Variants in NF2 observed in about 807,000 individuals in gnomAD.
NF2 encodes merlin.
Under a neutral mutation model 83.7 loss-of-function variants are expected in NF2, and 8 were observed. The ratio of observed to expected loss-of-function variants is 0.10; its 90% confidence interval spans 0.06 to 0.17. The LOEUF (loss-of-function observed/expected upper bound fraction) is 0.17. Among genes scored for constraint, NF2 ranks in the 10% least tolerant of loss-of-function variants. NF2 has a pLI of 1.00. For missense variants in NF2, 533 were observed against 744.4 expected (o/e 0.72, Z 3.31); for synonymous variants, 266 against 269.6 (o/e 0.99, Z 0.13).
intron 10 of NF2, among the ~76,000 whole-genome samples, chr22:29,671,084 C>A (rs749276382): frequency 1.3e-5 from 2 of 152,132 alleles, no homozygotes; most frequent in Non-Finnish European, 2.9e-5. Flanking sequence ...AGATGGCTTG[C>A]CTGCCCAGAT....
intron 1 of NF2, among the ~76,000 whole-genome samples, chr22:29,610,365 C>G (rs1281739629): frequency 6.6e-6 from 1 of 151,910 alleles, no homozygotes; most frequent in Non-Finnish European, 1.5e-5. Flanking sequence ...AGAAAAGAGG[C>G]TGGGTGCAGT....
intron 15 of NF2, chr22:29,683,272 CT>C: frequency 6.8e-7 from 1 of 1,475,466 alleles, no homozygotes; most frequent in Non-Finnish European, 9.0e-7. Flanking sequence ...CCCCAGAAGA[CT>C]GCCTCGTTCC....
In NF2 at chr22:29,697,716, A is replaced by ATG. The variant is rs2067592596; in HGVS notation, c.*2914_*2915insTG. 3 of 174,120 alleles carry ATG rather than the reference A, an allele frequency of 1.7e-5. No individual in the cohort carries two copies. Among genetic ancestry groups the ATG allele is most frequent in the Non-Finnish European group, 3.7e-5 (3 of 80,876 alleles). The allele number at this position is 174,120 out of a possible 1,614,324, so 10.8% of individuals were successfully genotyped here. On this transcript the variant is annotated 3_prime_UTR_variant, in exon 16 of 16. Transcript: ENST00000338641. Reference sequence around the variant, plus strand: ...CGAGTAGCTGGGATTACAGGCACGCACCTCCACGTCCGGCTAATTTTGTAT... The same window carrying ATG: ...CGAGTAGCTGGGATTACAGGCACGCATGCCTCCACGTCCGGCTAATTTTGTAT...
At position 29,668,318 on chromosome 22, in the gene NF2, C is replaced by T. The variant is rs200837904; in HGVS notation, c.886-15C>T. 839 of 1,597,172 alleles carry T rather than the reference C, an allele frequency of 5.3e-4. No individual in the cohort carries two copies. The highest frequency in any genetic ancestry group is 6.7e-4 in the Non-Finnish European group (781 of 1,164,928). On this transcript the variant is annotated splice_polypyrimidine_tract_variant and intron_variant, in intron 9 of 15. Transcript: ENST00000338641. ...TTGTGGATATTAACCTTTTTGTCTGCTTCTGTGGCCACAGATTCTCCAGCT... is the reference window on the plus strand; with the variant it reads ...TTGTGGATATTAACCTTTTTGTCTGTTTCTGTGGCCACAGATTCTCCAGCT...
In NF2 at chr22:29,678,331, GCC is replaced by G; in HGVS notation, c.1574+12_1574+13del. ...GGAGATAGAGAAAGAAAAGTATGTA[GCC>G]CCCTGTGCCCTGCTGTGGGCAGCTG... On this transcript the variant is annotated intron_variant, in intron 14 of 15. Coordinates refer to ENST00000338641, the MANE Select transcript of NF2 (RefSeq NM_000268.4). The G allele has an allele frequency of 6.2e-7, 1 of 1,613,004 alleles. No individual in the cohort carries two copies. The highest frequency in any genetic ancestry group is 1.1e-5 in the South Asian group (1 of 91,012).
intron 5 of NF2, among the ~76,000 whole-genome samples, chr22:29,655,060 G>A (rs2066258765): frequency 6.6e-6 from 1 of 152,112 alleles, no homozygotes; most frequent in Admixed American, 6.6e-5. Context: ...GCAGTGGCGA[G>A]GGGCGGATAG....
chr22:29,671,992 T>C, intron 11 of NF2, 44 bp downstream of exon 11: 1 of 1,613,732 alleles, frequency 6.2e-7, no homozygotes, highest in Non-Finnish European at 8.5e-7. Context: ...ACTTGGGGAC[T>C]TCCTTGGCTT....
Position 29,665,041 on chromosome 22 carries a change from T to A in NF2, c.862T>A (p.Ser288Thr). The A allele has an allele frequency of 6.2e-7, 1 of 1,613,788 alleles. No individual in the cohort carries two copies. The highest frequency in any genetic ancestry group is 8.5e-7 in the Non-Finnish European group (1 of 1,179,648). ...KKIDVFKFNS[S>T]KLRVNKLILQ... ...AATTGATGTCTTCAAGTTTAACTCC[T>A]CAAAGCTTCGTGTTAATAAGCTGGT... is the stretch of plus-strand genomic sequence containing the variant. Residue 288 changes from serine to threonine, a missense_variant, in exon 9 of 16, where the codon TCA (serine) becomes ACA (threonine). Physicochemically the swap from Ser to Thr is moderately conservative, Grantham distance 58. Around this residue, in one of 3 missense-constraint regions of NF2, gnomAD observed 326 missense variants for 475.1 expected, o/e 0.69. Coordinates refer to ENST00000338641, the MANE Select transcript of NF2 (RefSeq NM_000268.4).
At chr22:29,689,568 G>C (rs1307686257) in intron 15 of NF2, among the ~76,000 whole-genome samples, 3 of 152,074 alleles carry the variant, frequency 2.0e-5, no homozygotes, top group Non-Finnish European at 4.4e-5. Flanking sequence ...ATCTAAAATG[G>C]GTTCAGTACT....
chr22:29,643,746 C>T (rs1349493118), intron 4 of NF2, among the ~76,000 whole-genome samples: 5 of 152,154 alleles, frequency 3.3e-5, no homozygotes, highest in African/African-American at 7.2e-5. Flanking sequence ...CACCTTTCCC[C>T]CCTTTCTATT....
chr22:29,605,205 C>T (rs2064756636), intron 1 of NF2, among the ~76,000 whole-genome samples: 1 of 146,276 alleles, frequency 6.8e-6, no homozygotes, highest in East Asian at 2.0e-4. Flanking sequence ...ACCCAGAGTG[C>T]ACCGGGCTAG....
At chr22:29,619,645 T>C (rs1289112438) in intron 1 of NF2, among the ~76,000 whole-genome samples, 1 of 151,946 alleles carries the variant, frequency 6.6e-6, no homozygotes, top group Non-Finnish European at 1.5e-5. Flanking sequence ...TCTGCCTGGC[T>C]CGGCCTCCCA....
chr22:29,659,210 G>A (rs1415421181), intron 7 of NF2, among the ~76,000 whole-genome samples: 3 of 152,226 alleles, frequency 2.0e-5, no homozygotes, highest in Middle Eastern at 3.4e-3. Flanking sequence ...TAATTGCTTG[G>A]TTTCTTTAAG....
At chr22:29,648,123 T>A (rs1270121044) in intron 4 of NF2, among the ~76,000 whole-genome samples, 2 of 133,104 alleles carry the variant, frequency 1.5e-5, no homozygotes, top group African/African-American at 5.6e-5. Context: ...AGAGTGAGAC[T>A]CCATCTCAAA....
chr22:29,611,888 C>T (rs922262881), intron 1 of NF2, among the ~76,000 whole-genome samples: 8 of 152,102 alleles, frequency 5.3e-5, no homozygotes, highest in Admixed American at 5.2e-4. Flanking sequence ...TTTACAATAA[C>T]CTAAAAAATA....
chr22:29,668,578 A>G (rs2066695170), intron 10 of NF2, 132 bp downstream of exon 10: 3 of 708,892 alleles, frequency 4.2e-6, no homozygotes, highest in African/African-American at 1.8e-5. Context: ...TACCTTTTGG[A>G]TCTTCATTTG....
chr22:29,625,412 A>G (rs2065342523), intron 1 of NF2, among the ~76,000 whole-genome samples: 3 of 152,184 alleles, frequency 2.0e-5, no homozygotes, highest in Admixed American at 1.3e-4. Context: ...TATTCATGCT[A>G]GTTTTGCATT....
intron 15 of NF2, among the ~76,000 whole-genome samples, chr22:29,685,728 T>G (rs768604765): frequency 1.3e-5 from 2 of 152,204 alleles, no homozygotes; most frequent in Non-Finnish European, 2.9e-5. Flanking sequence ...TTGTCCTCGT[T>G]TTCAGTACTC....
chr22:29,621,792 A>C (rs547910032), intron 1 of NF2, among the ~76,000 whole-genome samples: 1 of 152,078 alleles, frequency 6.6e-6, no homozygotes, highest in East Asian at 1.9e-4. Flanking sequence ...CTCTGAGCCT[A>C]TTATCCTGGT....
Sources: allele counts gnomAD v4.1 joint callset (sites outside exome capture counted in the v4.1 genomes callset), GRCh38; gene constraint gnomAD v4.1.1; regional missense constraint gnomAD v4.1.1; transcripts MANE v1.5; gene names NCBI Gene and HGNC (gene_info 2026-07-23, HGNC 2026-07-21).